Variants in DNMT3A observed in about 807,000 individuals in gnomAD.
DNMT3A encodes the protein DNA methyltransferase 3 alpha.
In DNMT3A, 267 loss-of-function variants were observed where a neutral mutation model predicts 117.6. The ratio of observed to expected loss-of-function variants is 2.27; its 90% confidence interval spans 2.05 to 2.51. The LOEUF (loss-of-function observed/expected upper bound fraction) is 2.51, where lower values mean the gene tolerates loss of function less well. Among genes scored for constraint, DNMT3A ranks in the 30% most tolerant of loss-of-function variants. The pLI is 0.00. For synonymous variants in DNMT3A, 432 were observed against 474.8 expected, an observed-to-expected ratio of 0.91 and a Z score of 1.17; for missense variants, 1,029 against 1,260.2, an observed-to-expected ratio of 0.82 and a Z score of 2.78.
rs540462159 is a variant in DNMT3A at position 25,313,634 on chromosome 2, C to T, written c.72+279G>A. 8.6e-4 allele frequency among the ~76,000 whole-genome samples: 131 copies of T among 152,324 alleles called. 1 individual carries two copies. Among genetic ancestry groups the T allele is most frequent in the Middle Eastern group, 6.8e-3 (2 of 294 alleles). ...CTGGGACTCTCTGTGAGGCCGAACC[C>T]TCACAATGGCACAGACCTGGGCTTT... On this transcript the variant is annotated intron_variant, in intron 2 of 22. Transcript: ENST00000321117.
At chr2:25,335,595 C>G (rs1400858103) in intron 1 of DNMT3A, among the ~76,000 whole-genome samples, 2 of 152,218 alleles carry the variant, frequency 1.3e-5, no homozygotes, top group Non-Finnish European at 2.9e-5. Flanking sequence ...CCCAGCTGAT[C>G]TATCAGATCT....
At chr2:25,322,191 A>C (rs1171308392) in intron 1 of DNMT3A, among the ~76,000 whole-genome samples, 1 of 152,188 alleles carries the variant, frequency 6.6e-6, no homozygotes, top group African/African-American at 2.4e-5. Context: ...GACTTCTTAA[A>C]TTATATGCAT....
At chr2:25,275,938 G>A (rs551886766) in intron 4 of DNMT3A, among the ~76,000 whole-genome samples, 236 of 152,302 alleles carry the variant, frequency 1.5e-3, no homozygotes, top group Non-Finnish European at 2.6e-3. Flanking sequence ...AGGGGGTGCG[G>A]AAGGAGGAGG....
Position 25,281,616 on chromosome 2 carries a change from G to A in DNMT3A, c.448+825C>T. The A allele has an allele frequency of 9.4e-7, 1 of 1,064,744 alleles. No individual in the cohort carries two copies. The highest frequency in any genetic ancestry group is 5.0e-5 in the East Asian group (1 of 20,114). 66.0% of individuals were successfully genotyped at this position (1,064,744 alleles called of 1,614,324 possible). Reference sequence around the variant, plus strand: ...AAATGCACATATGCAAAACAACCTGGCAGGGCCCTGGGAGGATCAAATGTG... The same window carrying A: ...AAATGCACATATGCAAAACAACCTGACAGGGCCCTGGGAGGATCAAATGTG... On this transcript the variant is annotated intron_variant, in intron 4 of 22. Coordinates refer to ENST00000321117, the MANE Select transcript of DNMT3A (RefSeq NM_022552.5). This position sits in a 1 kb window ranked among gnomAD's most constrained non-coding sequence, Gnocchi z 4.8.
At position 25,244,671 on chromosome 2, in the gene DNMT3A, G is replaced by T; in HGVS notation, c.1555-19C>A. 6.2e-7 allele frequency: 1 copy of T among 1,609,842 alleles called. No individual in the cohort carries two copies. Among genetic ancestry groups the T allele is most frequent in the Non-Finnish European group, 8.5e-7 (1 of 1,176,292 alleles). On this transcript the variant is annotated intron_variant, in intron 13 of 22. Transcript: ENST00000321117. ...AGCAGTTCTAGACAGCAGCGGGAAG[G>T]GTCAGAAACCACCAGGACGGGTCCC...
chr2:25,250,819 T>C (rs1228752944), intron 6 of DNMT3A, among the ~76,000 whole-genome samples: 1 of 152,138 alleles, frequency 6.6e-6, no homozygotes, highest in East Asian at 1.9e-4. Context: ...CAGGTAGCAG[T>C]GGGCGGGAAG....
rs1264514831 is a variant in DNMT3A, at chr2:25,281,602, T to C, written c.448+839A>G. 9.4e-7 allele frequency: 1 copy of C among 1,064,304 alleles called. No individual in the cohort carries two copies. Among genetic ancestry groups the C allele is most frequent in the Middle Eastern group, 4.1e-4 (1 of 2,414 alleles). 65.9% of individuals were successfully genotyped at this position (1,064,304 alleles called of 1,614,324 possible). A position where few individuals can be genotyped will look rare whatever the true frequency, so the allele number is the denominator to read the frequency against. ...ACTTTTTGAAATTAAAATGCACATATGCAAAACAACCTGGCAGGGCCCTGG... is the reference window on the plus strand; with the variant it reads ...ACTTTTTGAAATTAAAATGCACATACGCAAAACAACCTGGCAGGGCCCTGG... On this transcript the variant is annotated intron_variant, in intron 4 of 22. Coordinates refer to ENST00000321117, the MANE Select transcript of DNMT3A (RefSeq NM_022552.5). This position sits in a 1 kb window ranked among gnomAD's most constrained non-coding sequence, Gnocchi z 4.8.
chr2:25,237,776 A>C lies in DNMT3A; in HGVS notation c.2409-771T>G, dbSNP rs1673534188. On this transcript the variant is annotated intron_variant, in intron 20 of 22. Coordinates refer to ENST00000321117, the MANE Select transcript of DNMT3A (RefSeq NM_022552.5). The surrounding 1 kb of genome is among the most constrained non-coding windows in gnomAD (Gnocchi z 5.4). ...CAAGACTCTGTCTCCAAAAAAAAAA[A>C]AAACCAGACTTAAATTCTGCAGTTC... is the stretch of plus-strand genomic sequence containing the variant. Among the ~76,000 whole-genome samples, 2 of 152,320 alleles carry C rather than the reference A, an allele frequency of 1.3e-5. No homozygotes were observed. The highest frequency in any genetic ancestry group is 1.9e-4 in the East Asian group (1 of 5,186).
At chr2:25,314,204 C>A in intron 1 of DNMT3A, 43 bp from the exon 2 acceptor site, 1 of 1,401,590 alleles carries the variant, frequency 7.1e-7, no homozygotes, top group African/African-American at 1.5e-5. Context: ...AGCACCCCAC[C>A]CTCCCTGGGT....
chr2:25,300,635 AATATATTATTT>A, intron 2 of DNMT3A, among the ~76,000 whole-genome samples: 1 of 89,058 alleles, frequency 1.1e-5, no homozygotes, highest in African/African-American at 3.8e-5. Context: ...ATATCTAAAT[AATATATTATTT>A]AGATATCTAA....
Position 25,228,617 on chromosome 2 carries a change from T to C in DNMT3A, c.*5662A>G, listed in dbSNP as rs1183132589. The C allele has an allele frequency of 1.3e-5, 2 of 152,178 alleles. No individual in the cohort carries two copies. Among genetic ancestry groups the C allele is most frequent in the African/African-American group, 2.4e-5 (1 of 41,444 alleles). The allele number at this position is 152,178 out of a possible 1,614,324, so 9.4% of individuals were successfully genotyped here. A position where few individuals can be genotyped will look rare whatever the true frequency, so the allele number is the denominator to read the frequency against. On this transcript the variant is annotated 3_prime_UTR_variant, in exon 23 of 23. Coordinates refer to ENST00000321117, the MANE Select transcript of DNMT3A (RefSeq NM_022552.5). ...ATAATAATATATCAGAGTAAAATAA[T>C]AGTCTCTTTTAAACTCCACTACAAG...
At position 25,314,164 on chromosome 2, in the gene DNMT3A, G is replaced by A; in HGVS notation, c.-177-3C>T. On this transcript the variant is annotated splice_region_variant and splice_polypyrimidine_tract_variant and intron_variant, in intron 1 of 22. Transcript: ENST00000321117. Reference sequence around the variant, plus strand: ...GGTGGGGGCTTCGATGGCTCCACCTGTGGGGGAGAGAAGAGGATCAGTGGG... The same window carrying A: ...GGTGGGGGCTTCGATGGCTCCACCTATGGGGGAGAGAAGAGGATCAGTGGG... 4.2e-6 allele frequency: 6 copies of A among 1,423,748 alleles called. No homozygotes were observed. Among genetic ancestry groups the A allele is most frequent in the Non-Finnish European group, 5.5e-6 (6 of 1,092,650 alleles). 88.2% of individuals were successfully genotyped at this position (1,423,748 alleles called of 1,614,324 possible).
At position 25,306,023 on chromosome 2, in the gene DNMT3A, C is replaced by G. The variant is rs2033764980; in HGVS notation, c.73-5780G>C. Reference sequence around the variant, plus strand: ...CCCCTGGGACAAGAAGCATGCCCAGCCTTTGCCAGCTGGCTGGCTGGCCTC... The same window carrying G: ...CCCCTGGGACAAGAAGCATGCCCAGGCTTTGCCAGCTGGCTGGCTGGCCTC... On this transcript the variant is annotated intron_variant, in intron 2 of 22. Transcript: ENST00000321117. This position sits in a 1 kb window ranked among gnomAD's most constrained non-coding sequence, Gnocchi z 4.1. 6.6e-6 allele frequency among the ~76,000 whole-genome samples: 1 copy of G among 152,236 alleles called. No homozygotes were observed. Among genetic ancestry groups the G allele is most frequent in the African/African-American group, 2.4e-5 (1 of 41,464 alleles).
intron 6 of DNMT3A, among the ~76,000 whole-genome samples, chr2:25,274,644 T>G (rs988944435): frequency 6.6e-6 from 1 of 152,256 alleles, no homozygotes; most frequent in African/African-American, 2.4e-5. Context: ...AAAGCAGGCC[T>G]CTGCTATCTT....
chr2:25,273,804 T>C (rs2031158202), intron 6 of DNMT3A, among the ~76,000 whole-genome samples: 1 of 152,180 alleles, frequency 6.6e-6, no homozygotes, highest in Admixed American at 6.5e-5. Flanking sequence ...TGAATTCAGC[T>C]TTCCCTAGGG....
Position 25,243,851 on chromosome 2 carries a change from C to T in DNMT3A, c.1936+47G>A, listed in dbSNP as rs913728794. On this transcript the variant is annotated intron_variant, in intron 16 of 22. Coordinates refer to ENST00000321117, the MANE Select transcript of DNMT3A (RefSeq NM_022552.5). Reference sequence around the variant, plus strand: ...GAGTTGCCCACACACCTGGCTCCCCCATCCTGGGACAAGGCGGCCAGCACC... The same window carrying T: ...GAGTTGCCCACACACCTGGCTCCCCTATCCTGGGACAAGGCGGCCAGCACC... 5.8e-6 allele frequency: 9 copies of T among 1,547,706 alleles called. No individual in the cohort carries two copies. In the African/African-American group the frequency reaches 6.9e-5, roughly 12 times the overall value.
At chr2:25,245,196 C>T in intron 13 of DNMT3A, 57 bp downstream of exon 13, 1 of 1,551,786 alleles carries the variant, frequency 6.4e-7, no homozygotes. Context: ...ACACAGTCAG[C>T]CAGAAGGCCG....
At chr2:25,235,616 CA>C (rs1163471992) in intron 22 of DNMT3A, 90 bp downstream of exon 22, 1 of 1,025,702 alleles carries the variant, frequency 9.7e-7, no homozygotes, top group African/African-American at 1.6e-5. Context: ...TTGTGGAAAA[CA>C]AGTCAGGTGG....
At chr2:25,264,705 G>A (rs762845211) in intron 6 of DNMT3A, among the ~76,000 whole-genome samples, 12 of 150,446 alleles carry the variant, frequency 8.0e-5, no homozygotes, top group Non-Finnish European at 1.3e-4. Flanking sequence ...CTCATGATAC[G>A]CCTGCCTTCG....
Sources: allele counts gnomAD v4.1 joint callset (sites outside exome capture counted in the v4.1 genomes callset), GRCh38; gene constraint gnomAD v4.1.1; non-coding constraint Gnocchi (gnomAD v3.1); transcripts MANE v1.5; gene names NCBI Gene and HGNC (gene_info 2026-07-23, HGNC 2026-07-21).